PRSS23: variants seen among roughly 807,000 people sequenced by gnomAD.
PRSS23 encodes the protein serine protease 23.
Under a neutral mutation model 34.7 loss-of-function variants are expected in PRSS23, and 25 were observed. The observed-to-expected ratio is 0.72, with a 90% CI of 0.53 to 1.01. The LOEUF is 1.01. Among genes scored for constraint, PRSS23 ranks in the 50% least tolerant of loss-of-function variants. The pLI is 0.00. For synonymous variants in PRSS23, 176 were observed against 186.6 expected (o/e 0.94, Z 0.46); for missense variants, 445 against 475.6 (o/e 0.94, Z 0.60).
At chr11:86,890,808 C>T (rs113139926) in intron 2 of PRSS23, among the ~76,000 whole-genome samples, 2 of 152,172 alleles carry the variant, frequency 1.3e-5, no homozygotes, top group African/African-American at 4.8e-5. Flanking sequence ...TTATGTTGTC[C>T]AGCCCACCAC....
intron 2 of PRSS23, chr11:86,833,107 C>A (rs959144525): frequency 1.6e-6 from 1 of 631,988 alleles, no homozygotes; most frequent in African/African-American, 1.8e-5. Flanking sequence ...TAGGCCCTCA[C>A]ACTCAGGAGC....
Position 86,828,822 on chromosome 11 carries a change from C to T in PRSS23, c.206+5229C>T, listed in dbSNP as rs557738341. Among the ~76,000 whole-genome samples, 44 of 152,222 alleles carry T rather than the reference C, an allele frequency of 2.9e-4. 1 individual carries two copies. The Middle Eastern group carries it at 0.01, about 35-fold the overall frequency. ...TTCTTTAAGAGTGTTGAATATTGGC[C>T]CCCACTCTCTTCTGGCTTGTAGAGT... On this transcript the variant is annotated intron_variant, in intron 2 of 2. Transcript: ENST00000533902.
At chr11:86,827,365 C>G (rs1288432211) in intron 2 of PRSS23, among the ~76,000 whole-genome samples, 1 of 152,112 alleles carries the variant, frequency 6.6e-6, no homozygotes, top group Non-Finnish European at 1.5e-5. Context: ...TTTATTGCCT[C>G]TATTTGATTC....
intron 2 of PRSS23, among the ~76,000 whole-genome samples, chr11:86,870,320 A>C (rs1393212462): frequency 6.6e-6 from 1 of 152,082 alleles, no homozygotes; most frequent in Non-Finnish European, 1.5e-5. Context: ...CACCTATGTC[A>C]ACATCCTGTC....
At chr11:86,943,957 TCTCAAA>T (rs1448118899) in intron 2 of PRSS23, among the ~76,000 whole-genome samples, 1 of 152,006 alleles carries the variant, frequency 6.6e-6, no homozygotes, top group Admixed American at 6.6e-5. Flanking sequence ...GCCAGGCTGG[TCTCAAA>T]CTCCTGACCT....
At chr11:86,894,940 C>A (rs17149487) in intron 2 of PRSS23, among the ~76,000 whole-genome samples, 2 of 152,112 alleles carry the variant, frequency 1.3e-5, no homozygotes, top group African/African-American at 2.4e-5. Context: ...TCAGTTATTA[C>A]CTTCCTCTCT....
chr11:86,873,885 A>G (rs1176429904), intron 2 of PRSS23, among the ~76,000 whole-genome samples: 2 of 152,172 alleles, frequency 1.3e-5, no homozygotes, highest in Non-Finnish European at 2.9e-5. Context: ...AAGTTGCATC[A>G]GAGCTCTTCC....
At chr11:86,849,624 G>A (rs955824855) in intron 2 of PRSS23, among the ~76,000 whole-genome samples, 2 of 152,166 alleles carry the variant, frequency 1.3e-5, no homozygotes, top group Non-Finnish European at 2.9e-5. Flanking sequence ...GTAAGAAAAT[G>A]TAGCAGTCCT....
rs538213120 is a variant in PRSS23 at position 86,848,203 on chromosome 11, G to A, written c.206+24610G>A. On this transcript the variant is annotated intron_variant, in intron 2 of 2. Transcript: ENST00000533902. ...ATATACATGTCCTGCAAGGATTAGA[G>A]CAGTCCTTTGATCTAACATGGAGAG... 4.6e-5 allele frequency among the ~76,000 whole-genome samples: 7 copies of A among 152,344 alleles called. No individual in the cohort carries two copies. The South Asian group carries it at 1.2e-3, about 27-fold the overall frequency.
chr11:86,808,211 C>T lies in PRSS23; in HGVS notation c.568C>T (p.Leu190Phe), dbSNP rs1213722253. Residue 190 changes from leucine to phenylalanine, a missense_variant, in exon 2 of 2, where the codon CTT becomes TTT. By Grantham distance (22) the Leu-to-Phe change is conservative. Transcript: ENST00000280258. The part of the protein sequence containing the change: ...GKTYVKGTQK[L>F]RVGFLKPKFK... ...AACCTATGTGAAAGGAACCCAGAAG[C>T]TTCGAGTGGGCTTCCTAAAGCCCAA... 6.2e-7 allele frequency: 1 copy of T among 1,614,156 alleles called. No homozygotes were observed. Among genetic ancestry groups the T allele is most frequent in the Non-Finnish European group, 8.5e-7 (1 of 1,180,032 alleles).
At chr11:86,885,973 AATGATGATG>A (rs142318478) in intron 2 of PRSS23, among the ~76,000 whole-genome samples, 1 of 152,030 alleles carries the variant, frequency 6.6e-6, no homozygotes, top group Admixed American at 6.6e-5. Context: ...TCTGGTAGTT[AATGATGATG>A]ATGATGATGG....
rs1948682364 is a variant in PRSS23 at position 86,871,194 on chromosome 11, T to G, written c.206+47601T>G. Among the ~76,000 whole-genome samples the G allele has an allele frequency of 3.9e-5, 6 of 152,330 alleles. 1 individual carries two copies. The South Asian group carries it at 1.2e-3, about 32-fold the overall frequency. On this transcript the variant is annotated intron_variant, in intron 2 of 2. Coordinates refer to the PRSS23 transcript ENST00000533902. The stretch of plus-strand genomic sequence containing the variant: ...CTACTGAGGCTTGGTTTTATGCCTT[T>G]TTAGGGTGGGTGTAGAGTTGCCCTT...
At chr11:86,817,028 C>G (rs1386001902) in intron 1 of PRSS23, among the ~76,000 whole-genome samples, 1 of 152,170 alleles carries the variant, frequency 6.6e-6, no homozygotes. Context: ...ATGCTTGAGT[C>G]TAAAACTCTG....
chr11:86,822,888 C>G (rs1948263791), intron 1 of PRSS23, among the ~76,000 whole-genome samples: 1 of 152,134 alleles, frequency 6.6e-6, no homozygotes, highest in African/African-American at 2.4e-5. Context: ...CTCTTAATTC[C>G]AAGATGCTGG....
intron 1 of PRSS23, among the ~76,000 whole-genome samples, chr11:86,792,971 C>T (rs1258565962): frequency 1.3e-5 from 2 of 152,214 alleles, no homozygotes; most frequent in African/African-American, 4.8e-5. Context: ...CTCCCAGGCT[C>T]AAGCCCCCCA....
At position 86,808,687 on chromosome 11, in the gene PRSS23, G is replaced by T; in HGVS notation, c.1044G>T (p.Met348Ile). The change falls in exon 2 of 2, where the codon ATG (methionine) becomes ATT (isoleucine). Residue 348 changes from methionine (M) to isoleucine (I), a missense_variant. Met to Ile is a conservative substitution (Grantham distance 10). Transcript: ENST00000280258. ...TTTCAGGGCACCAGTGGGTGGACAT[G>T]AATGGTTCCCCACAGGATTTCAACG... Reference protein sequence around the residue: ...GIFSGHQWVDMNGSPQDFNVA... With the variant: ...GIFSGHQWVDINGSPQDFNVA... The T allele has an allele frequency of 6.2e-7, 1 of 1,614,150 alleles. No homozygotes were observed. Among genetic ancestry groups the T allele is most frequent in the African/African-American group, 1.3e-5 (1 of 75,038 alleles).
chr11:86,800,315 C>T (rs1284327418), upstream of PRSS23: 3 of 389,272 alleles, frequency 7.7e-6, no homozygotes, highest in Non-Finnish European at 1.1e-5. Flanking sequence ...CGACTGCTGC[C>T]GCGCCACCGG....
At chr11:86,940,562 G>A (rs915929942) in intron 2 of PRSS23, among the ~76,000 whole-genome samples, 1 of 152,046 alleles carries the variant, frequency 6.6e-6, no homozygotes, top group Non-Finnish European at 1.5e-5. Context: ...AGCAAGCTAT[G>A]TAAAAACACC....
chr11:86,899,389 C>T (rs1286886713), intron 2 of PRSS23, among the ~76,000 whole-genome samples: 2 of 152,078 alleles, frequency 1.3e-5, no homozygotes, highest in East Asian at 1.9e-4. Flanking sequence ...TATGGCAGCT[C>T]GCACCTGTAG....
Sources: allele counts gnomAD v4.1 joint callset (sites outside exome capture counted in the v4.1 genomes callset), GRCh38; gene constraint gnomAD v4.1.1; transcripts MANE v1.5; gene names NCBI Gene and HGNC (gene_info 2026-07-23, HGNC 2026-07-21).